Variants in HOMER1 observed in about 807,000 individuals in gnomAD.
HOMER1 encodes the protein homer protein homolog 1.
In HOMER1, 3 loss-of-function variants were observed where a neutral mutation model predicts 48.9. The observed-to-expected ratio is 0.06, with a 90% CI of 0.03 to 0.16. The LOEUF (loss-of-function observed/expected upper bound fraction) is 0.16, where lower values mean the gene tolerates loss of function less well. Among genes scored for constraint, HOMER1 ranks in the 10% least tolerant of loss-of-function variants. HOMER1 has a pLI of 1.00. For missense variants in HOMER1, 247 were observed against 411.4 expected (o/e 0.60, Z 3.46); for synonymous variants, 134 against 146.4 (o/e 0.92, Z 0.61).
chr5:79,381,952 G>A (rs970152569), intron 8 of HOMER1, among the ~76,000 whole-genome samples: 1 of 149,716 alleles, frequency 6.7e-6, no homozygotes, highest in Admixed American at 6.6e-5. Context: ...TTACCAAAGA[G>A]ATATACACTA....
intron 7 of HOMER1, among the ~76,000 whole-genome samples, chr5:79,397,110 G>C (rs1393348143): frequency 6.6e-6 from 1 of 152,100 alleles, no homozygotes; most frequent in African/African-American, 2.4e-5. Flanking sequence ...GTCTAACTTG[G>C]TGCTTCTGGT....
chr5:79,425,603 C>T (rs1393564419), intron 5 of HOMER1, among the ~76,000 whole-genome samples: 1 of 151,992 alleles, frequency 6.6e-6, no homozygotes, highest in African/African-American at 2.4e-5. Flanking sequence ...CGCTATGGAA[C>T]CTAAGACTTT....
chr5:79,407,052 A>T (rs1167045348), intron 5 of HOMER1, among the ~76,000 whole-genome samples: 1 of 152,208 alleles, frequency 6.6e-6, no homozygotes, highest in African/African-American at 2.4e-5. Flanking sequence ...CCAAAAGATG[A>T]GTGTCGAGCA....
rs139451023 is a variant in HOMER1, at chr5:79,406,522, C to CAG, written c.528-4469_528-4468dup. ...GTTCTCAGGAGAAAGATTGGAGAGG[C>CAG]AGAGAGAGAGACTAGAGAAAGGATC... On this transcript the variant is annotated intron_variant, in intron 5 of 8. Coordinates refer to ENST00000334082, the MANE Select transcript of HOMER1 (RefSeq NM_004272.5). Among the ~76,000 whole-genome samples, 65 of 152,144 alleles carry CAG rather than the reference C, an allele frequency of 4.3e-4. 2 individuals are homozygous for CAG. Among genetic ancestry groups the CAG allele is most frequent in the African/African-American group, 1.4e-3 (60 of 41,516 alleles).
At chr5:79,484,468 G>A (rs192004930) in intron 1 of HOMER1, among the ~76,000 whole-genome samples, 112 of 152,190 alleles carry the variant, frequency 7.4e-4, no homozygotes, top group Non-Finnish European at 4.9e-4. Flanking sequence ...GCATTTGCCT[G>A]TAGTCCCAGC....
chr5:79,405,129 A>T (rs1440019303), intron 5 of HOMER1, among the ~76,000 whole-genome samples: 1 of 152,078 alleles, frequency 6.6e-6, no homozygotes, highest in Non-Finnish European at 1.5e-5. Context: ...GTCTTTAAAG[A>T]GGTAATTAAG....
chr5:79,390,780 A>C (rs1339474150), intron 8 of HOMER1, among the ~76,000 whole-genome samples: 1 of 152,136 alleles, frequency 6.6e-6, no homozygotes, highest in Non-Finnish European at 1.5e-5. Flanking sequence ...ACTAAATCAA[A>C]AGATTAAAAA....
chr5:79,425,796 C>G (rs527728317), intron 5 of HOMER1, among the ~76,000 whole-genome samples: 2 of 151,906 alleles, frequency 1.3e-5, no homozygotes, highest in South Asian at 2.1e-4. Context: ...TCTATTATTT[C>G]GTAGAGCCAA....
At chr5:79,427,254 T>A (rs958741854) in intron 5 of HOMER1, among the ~76,000 whole-genome samples, 2 of 152,226 alleles carry the variant, frequency 1.3e-5, no homozygotes, top group African/African-American at 4.8e-5. Flanking sequence ...TCTAGAGTAA[T>A]AATTACACTA....
In HOMER1 at chr5:79,513,043, C is replaced by T; in HGVS notation, c.-269G>A. ...GGAGGAGACAGCGATCAACTCTATT[C>T]CACAAAATGAGTCTACAAGTAGGGA... On this transcript the variant is annotated 5_prime_UTR_variant, in exon 1 of 9. Coordinates refer to ENST00000334082, the MANE Select transcript of HOMER1 (RefSeq NM_004272.5). The T allele has an allele frequency of 3.8e-6, 2 of 532,648 alleles. No individual in the cohort carries two copies. The highest frequency in any genetic ancestry group is 6.6e-5 in the East Asian group (2 of 30,112). The allele number at this position is 532,648 out of a possible 1,614,324, so 33.0% of individuals were successfully genotyped here. A position where few individuals can be genotyped will look rare whatever the true frequency, so the allele number is the denominator to read the frequency against.
intron 1 of HOMER1, among the ~76,000 whole-genome samples, chr5:79,496,296 G>A (rs1752418534): frequency 6.6e-6 from 1 of 152,164 alleles, no homozygotes; most frequent in African/African-American, 2.4e-5. Flanking sequence ...TTTTCCAATA[G>A]CAGAAGACAG....
intron 5 of HOMER1, among the ~76,000 whole-genome samples, chr5:79,408,031 ATGT>A (rs1749712509): frequency 6.6e-6 from 1 of 152,172 alleles, no homozygotes; most frequent in South Asian, 2.1e-4. Flanking sequence ...TTATTAGTTC[ATGT>A]TGTTAATCTC....
intron 2 of HOMER1, among the ~76,000 whole-genome samples, chr5:79,453,276 G>C (rs978244844): frequency 1.3e-5 from 2 of 152,154 alleles, no homozygotes; most frequent in Non-Finnish European, 2.9e-5. Context: ...TTTCTGACAA[G>C]GGCATTTTAT....
intron 3 of HOMER1, among the ~76,000 whole-genome samples, chr5:79,448,681 CTTTG>C (rs916133069): frequency 2.6e-5 from 4 of 152,096 alleles, no homozygotes; most frequent in African/African-American, 9.7e-5. Context: ...TATGTACTTG[CTTTG>C]TTTATGTAAA....
rs146371453 is a variant in HOMER1 at position 79,480,985 on chromosome 5, A to G, written c.6-23967T>C. ...TACAAAAAGATACTCTTCAACCATC[A>G]CAATGCTTTATTTGCCCCATATAAA... On this transcript the variant is annotated intron_variant, in intron 1 of 8. Coordinates refer to ENST00000334082, the MANE Select transcript of HOMER1 (RefSeq NM_004272.5). Among the ~76,000 whole-genome samples the G allele has an allele frequency of 6.6e-4, 101 of 152,348 alleles. 4 individuals are homozygous for G. The highest frequency in any genetic ancestry group is 2.3e-3 in the African/African-American group (97 of 41,580).
At chr5:79,429,781 T>G (rs1394163464) in intron 5 of HOMER1, among the ~76,000 whole-genome samples, 1 of 152,160 alleles carries the variant, frequency 6.6e-6, no homozygotes, top group South Asian at 2.1e-4. Flanking sequence ...CCCAGCACTT[T>G]GGGAGGAAGA....
chr5:79,399,909 A>C (rs1749489156), intron 6 of HOMER1, among the ~76,000 whole-genome samples: 1 of 152,200 alleles, frequency 6.6e-6, no homozygotes, highest in Non-Finnish European at 1.5e-5. Context: ...ATTCAGATCT[A>C]CAGGAAAGAA....
intron 1 of HOMER1, among the ~76,000 whole-genome samples, chr5:79,484,641 T>C (rs957030203): frequency 6.6e-6 from 1 of 152,170 alleles, no homozygotes; most frequent in Non-Finnish European, 1.5e-5. Flanking sequence ...AAGAAAACCA[T>C]TTTGAAGACC....
At chr5:79,467,664 T>C (rs1030936818) in intron 1 of HOMER1, among the ~76,000 whole-genome samples, 10 of 152,224 alleles carry the variant, frequency 6.6e-5, no homozygotes, top group Non-Finnish European at 1.2e-4. Flanking sequence ...CCCTGTATTA[T>C]TGTGAATATT....
Sources: allele counts gnomAD v4.1 joint callset (sites outside exome capture counted in the v4.1 genomes callset), GRCh38; gene constraint gnomAD v4.1.1; transcripts MANE v1.5; gene names NCBI Gene and HGNC (gene_info 2026-07-23, HGNC 2026-07-21).